The following ATAD2 variants were observed in gnomAD, a reference collection of about 807,000 sequenced individuals.
ATAD2 encodes ATPase family AAA domain-containing protein 2.
Under a neutral mutation model 168.9 loss-of-function variants are expected in ATAD2, and 62 were observed. That is an observed-to-expected ratio of 0.37 (90% confidence interval 0.30 to 0.45). The LOEUF (loss-of-function observed/expected upper bound fraction) is 0.45, where lower values mean the gene tolerates loss of function less well. Ranked by LOEUF, ATAD2 falls within the 20% of genes least tolerant of loss-of-function variation. The probability of loss-of-function intolerance (pLI) is 1.00; values close to 1 mark genes in which losing one functional copy is unlikely to be tolerated. For missense variants in ATAD2, 1,419 were observed against 1,667.8 expected (o/e 0.85, Z 2.60); for synonymous variants, 613 against 571.6 (o/e 1.07, Z -1.03).
At chr8:123,392,541 G>A (rs1028341586) in intron 1 of ATAD2, among the ~76,000 whole-genome samples, 1 of 151,350 alleles carries the variant, frequency 6.6e-6, no homozygotes, top group African/African-American at 2.4e-5. Context: ...TAAGGACTGA[G>A]TTATTTATTT....
At chr8:123,381,521 AAAAC>A (rs1829493877) in intron 1 of ATAD2, among the ~76,000 whole-genome samples, 1 of 151,886 alleles carries the variant, frequency 6.6e-6, no homozygotes, top group Non-Finnish European at 1.5e-5. Flanking sequence ...AAAACAAAAC[AAAAC>A]AAAACTGTTT....
chr8:123,380,581 C>T lies in ATAD2; in HGVS notation c.268G>A (p.Glu90Lys). 1 of 1,614,016 alleles carries T rather than the reference C, an allele frequency of 6.2e-7. No homozygotes were observed. The highest frequency in any genetic ancestry group is 8.5e-7 in the Non-Finnish European group (1 of 1,179,948). ...TGCTCCGTTATTTCCACATTCTTCT[C>T]AAAACTAGAATCTGAAGAATTCTGT... ...DAQNSSDSSF[E>K]KNVEITEQLA... is the part of the protein sequence containing the mutation. Residue 90 changes from glutamate (E) to lysine (K), a missense_variant, in exon 2 of 28, where the codon GAG becomes AAG. Glu to Lys is a moderately conservative substitution (Grantham distance 56). Around this residue, in one of 5 missense-constraint regions of ATAD2, gnomAD observed 419 missense variants for 423.5 expected, o/e 0.99. Transcript: ENST00000287394.
At chr8:123,398,399 T>C (rs1398947930), upstream of ATAD2, among the ~76,000 whole-genome samples, 1 of 151,768 alleles carries the variant, frequency 6.6e-6, no homozygotes, top group Non-Finnish European at 1.5e-5. Context: ...CCCAGCTAAT[T>C]TTTGTATTTT....
chr8:123,364,537 C>G (rs1305060327), intron 8 of ATAD2, among the ~76,000 whole-genome samples: 3 of 152,098 alleles, frequency 2.0e-5, no homozygotes, highest in Non-Finnish European at 4.4e-5. Flanking sequence ...AAAATACTAG[C>G]TAATCGAATC....
At chr8:123,324,710 A>G (rs1827558956) in intron 26 of ATAD2, among the ~76,000 whole-genome samples, 1 of 152,258 alleles carries the variant, frequency 6.6e-6, no homozygotes, top group South Asian at 2.1e-4. Context: ...TATAGTGTCA[A>G]GTGTTACAGA....
chr8:123,334,284 T>C lies in ATAD2; in HGVS notation c.3250A>G (p.Thr1084Ala), dbSNP rs1339927344. Residue 1084 changes from threonine (T) to alanine (A), a missense_variant, in exon 23 of 28, where the codon ACT becomes GCT. By Grantham distance (58) the Thr-to-Ala change is moderately conservative. Around this residue, in one of 5 missense-constraint regions of ATAD2, gnomAD observed 545 missense variants for 724.9 expected, o/e 0.75. Transcript: ENST00000287394. ...TCTTCTTTAATTATGGCATAGGCAGTATCTCTTAAAGCACAGGCTCTATGC... is the reference window on the plus strand; with the variant it reads ...TCTTCTTTAATTATGGCATAGGCAGCATCTCTTAAAGCACAGGCTCTATGC... ...IRHRACALRD[T>A]AYAIIKEELD... The C allele has an allele frequency of 2.5e-6, 4 of 1,598,176 alleles. No individual in the cohort carries two copies. The highest frequency in any genetic ancestry group is 3.4e-6 in the Non-Finnish European group (4 of 1,175,944).
intron 2 of ATAD2, among the ~76,000 whole-genome samples, chr8:123,374,107 G>A (rs1011258999): frequency 2.0e-5 from 3 of 152,192 alleles, no homozygotes; most frequent in Non-Finnish European, 4.4e-5. Context: ...GCTCATGCCT[G>A]TAATCCCAGC....
Position 123,347,112 on chromosome 8 carries a change from G to A in ATAD2, c.2192C>T (p.Thr731Ile), listed in dbSNP as rs771427035. The stretch of plus-strand genomic sequence containing the variant: ...TATACCTGAGTCTAATGTTTTATTT[G>A]TTCTGAATTCTGCATGTGGAAATAC... Reference protein sequence around the residue: ...QRVFPHAEFRTNKTLDSDISC... With the variant: ...QRVFPHAEFRINKTLDSDISC... The change falls in exon 16 of 28, where the codon ACA (threonine) becomes ATA (isoleucine). Residue 731 changes from threonine to isoleucine, a missense_variant. Physicochemically the swap from Thr to Ile is moderately conservative, Grantham distance 89 (BLOSUM62 -1). This residue lies in a region of ATAD2 where 545 missense variants were observed against 724.9 expected (regional missense o/e 0.75). Coordinates refer to ENST00000287394, the MANE Select transcript of ATAD2 (RefSeq NM_014109.4). 1 of 1,612,188 alleles carries A rather than the reference G, an allele frequency of 6.2e-7. No homozygotes were observed. The highest frequency in any genetic ancestry group is 8.5e-7 in the Non-Finnish European group (1 of 1,178,886).
intron 1 of ATAD2, among the ~76,000 whole-genome samples, chr8:123,407,964 T>C (rs982416118): frequency 4.6e-5 from 7 of 152,222 alleles, no homozygotes; most frequent in African/African-American, 1.7e-4. Flanking sequence ...TAAGAGCTAA[T>C]CATGATTCCA....
At chr8:123,412,636 T>A (rs1317548940) in intron 1 of ATAD2, among the ~76,000 whole-genome samples, 1 of 151,916 alleles carries the variant, frequency 6.6e-6, no homozygotes, top group African/African-American at 2.4e-5. Context: ...GGTCTTGCTG[T>A]GTTGCTTAGG....
intron 13 of ATAD2, among the ~76,000 whole-genome samples, chr8:123,351,748 G>T (rs1005764939): frequency 7.4e-5 from 10 of 134,686 alleles, no homozygotes; most frequent in East Asian, 6.4e-4. Context: ...AAAAACTGAT[G>T]TTTTTTTTTT....
intron 1 of ATAD2, among the ~76,000 whole-genome samples, chr8:123,394,730 T>C (rs1253915380): frequency 6.6e-6 from 1 of 152,216 alleles, no homozygotes; most frequent in Non-Finnish European, 1.5e-5. Context: ...TGGACATAAA[T>C]AATCAATCAG....
At chr8:123,327,035 A>G (rs1168463405) in intron 25 of ATAD2, among the ~76,000 whole-genome samples, 1 of 151,956 alleles carries the variant, frequency 6.6e-6, no homozygotes, top group Non-Finnish European at 1.5e-5. Flanking sequence ...CAGCCTCCAG[A>G]GCAGTTGGGA....
At chr8:123,341,229 A>G (rs1828053860) in intron 19 of ATAD2, among the ~76,000 whole-genome samples, 1 of 152,204 alleles carries the variant, frequency 6.6e-6, no homozygotes, top group Non-Finnish European at 1.5e-5. Context: ...TTATCCTAAG[A>G]AAAAAAGTAA....
At chr8:123,337,075 AG>A (rs1184463237) in intron 21 of ATAD2, among the ~76,000 whole-genome samples, 3 of 142,562 alleles carry the variant, frequency 2.1e-5, no homozygotes, top group East Asian at 4.0e-4. Context: ...AAAAAAAAAA[AG>A]GGGGGGCCGA....
Position 123,361,646 on chromosome 8 carries a change from C to T in ATAD2, c.1050G>A (p.Arg350=), listed in dbSNP as rs1828828649. The change falls in exon 9 of 28, where the codon AGG becomes AGA. Residue 350 remains arginine (R), a splice_region_variant and synonymous_variant. Transcript: ENST00000287394. ...CACTACTGTGGATTGCATGCCTTCG[C>T]CTAAAGTAAAAAACAAAATTGAAAT... ...PRSPYCKRMN[R]RRHAIHSSDS... 2.5e-6 allele frequency: 4 copies of T among 1,596,716 alleles called. No individual in the cohort carries two copies. In the African/African-American group the frequency reaches 4.0e-5, roughly 16 times the overall value.
At chr8:123,369,027 T>C in intron 8 of ATAD2, 31 bp downstream of exon 8, 1 of 1,331,762 alleles carries the variant, frequency 7.5e-7, no homozygotes, top group Non-Finnish European at 1.1e-6. Context: ...AATTATGTTG[T>C]CATAAATCAA....
rs1025863082 is a variant in ATAD2 at position 123,321,026 on chromosome 8, A to G, written c.*108T>C. ...TAAATACTTTTATTTTACTATTTTA[A>G]TCTTTTCCTTAAAGATGCAGGGTTT... On this transcript the variant is annotated 3_prime_UTR_variant, in exon 28 of 28. Coordinates refer to ENST00000287394, the MANE Select transcript of ATAD2 (RefSeq NM_014109.4). 2 of 943,104 alleles carry G rather than the reference A, an allele frequency of 2.1e-6. No homozygotes were observed. The highest frequency in any genetic ancestry group is 5.0e-5 in the Admixed American group (2 of 40,142). The allele number at this position is 943,104 out of a possible 1,614,324, so 58.4% of individuals were successfully genotyped here.
intron 2 of ATAD2, among the ~76,000 whole-genome samples, chr8:123,379,758 TG>T (rs991239279): frequency 2.0e-5 from 3 of 151,090 alleles, no homozygotes; most frequent in African/African-American, 7.3e-5. Context: ...TTAGTAGAGA[TG>T]GGGTTTCACC....
Sources: allele counts gnomAD v4.1 joint callset (sites outside exome capture counted in the v4.1 genomes callset), GRCh38; gene constraint gnomAD v4.1.1; regional missense constraint gnomAD v4.1.1; transcripts MANE v1.5; gene names NCBI Gene and HGNC (gene_info 2026-07-23, HGNC 2026-07-21).